AP3B2: variants seen among roughly 807,000 people sequenced by gnomAD.
The protein encoded by AP3B2 is AP-3 complex subunit beta-2.
In AP3B2, 50 loss-of-function variants were observed where a neutral mutation model predicts 126.9. That is an observed-to-expected ratio of 0.39 (90% confidence interval 0.31 to 0.50). The LOEUF (loss-of-function observed/expected upper bound fraction) is 0.50, where lower values mean the gene tolerates loss of function less well. Ranked by LOEUF, AP3B2 falls within the 20% of genes least tolerant of loss-of-function variation. AP3B2 has a pLI of 0.79. For synonymous variants in AP3B2, 541 were observed against 565.0 expected (o/e 0.96, Z 0.60); for missense variants, 1,177 against 1,426.4 (o/e 0.83, Z 2.82).
chr15:82,677,911 C>T lies in AP3B2; in HGVS notation c.1246-108G>A. ...TGGCTTATCATGCCGGTGACTAAGA[C>T]TTGGGAAAGGGGGTGACAACTCCAC... On this transcript the variant is annotated intron_variant, in intron 11 of 26. Transcript: ENST00000535359. 4.2e-6 allele frequency: 6 copies of T among 1,425,704 alleles called. No individual in the cohort carries two copies. In the South Asian group the frequency reaches 7.1e-5, roughly 17 times the overall value. The allele number at this position is 1,425,704 out of a possible 1,614,324, so 88.3% of individuals were successfully genotyped here. A position where few individuals can be genotyped will look rare whatever the true frequency, so the allele number is the denominator to read the frequency against.
At chr15:82,689,755 A>C (rs2048492241) in intron 1 of AP3B2, 2 of 367,186 alleles carry the variant, frequency 5.4e-6, no homozygotes, top group Admixed American at 4.1e-5. Context: ...AGTTAAATGC[A>C]ATCCTACTCT....
At chr15:82,683,443 T>G (rs1300056955) in intron 4 of AP3B2, among the ~76,000 whole-genome samples, 1 of 152,174 alleles carries the variant, frequency 6.6e-6, no homozygotes, top group Non-Finnish European at 1.5e-5. Context: ...ATTGCAGCAA[T>G]TCAGTCACAT....
intron 20 of AP3B2, 76 bp from the exon 21 acceptor site, chr15:82,663,696 ATGTTC>A: frequency 6.2e-7 from 1 of 1,610,270 alleles, no homozygotes; most frequent in Non-Finnish European, 8.5e-7. Context: ...AGAAGATGTC[ATGTTC>A]TGTTCTGGAT....
Position 82,709,803 on chromosome 15 carries a change from C to G in AP3B2, c.-97G>C, listed in dbSNP as rs889547415. 10 of 977,566 alleles carry G rather than the reference C, an allele frequency of 1.0e-5. No homozygotes were observed. Among genetic ancestry groups the G allele is most frequent in the Non-Finnish European group, 1.4e-5 (10 of 718,706 alleles). The allele number at this position is 977,566 out of a possible 1,614,324, so 60.6% of individuals were successfully genotyped here. On this transcript the variant is annotated 5_prime_UTR_variant, in exon 1 of 27. Transcript: ENST00000535359. ...GGCGGGCCGGTCCGGTCCGGGCTGG[C>G]GAAGGCGGCGGCGCGGCAGGGGTTC... is the stretch of plus-strand genomic sequence containing the variant.
At position 82,680,721 on chromosome 15, in the gene AP3B2, A is replaced by G. The variant is rs1172796080; in HGVS notation, c.806T>C (p.Phe269Ser). The G allele has an allele frequency of 2.6e-6, 4 of 1,567,682 alleles. No homozygotes were observed. ...GGCCTCGTCCTCCTCTGAGCCGTAG[A>G]AGGCTTTTTCCGCGTTCTCCTCTAG... The part of the protein sequence containing the change: ...SLLEENAEKA[F>S]YGSEEDEAKG... Residue 269 changes from phenylalanine (F) to serine (S), a missense_variant, in exon 8 of 27, where the codon TTC (phenylalanine) becomes TCC (serine). Phe to Ser is a radical substitution (Grantham distance 155). This residue lies in a region of AP3B2 where 103 missense variants were observed against 101.4 expected (regional missense o/e 1.02). Transcript: ENST00000535359. The surrounding 1 kb of genome is among the most constrained non-coding windows in gnomAD (Gnocchi z 6.1).
At chr15:82,695,930 G>A (rs959700355) in intron 1 of AP3B2, among the ~76,000 whole-genome samples, 1 of 152,190 alleles carries the variant, frequency 6.6e-6, no homozygotes, top group Non-Finnish European at 1.5e-5. Context: ...TGTTGGTGGG[G>A]AGAAATCTCC....
chr15:82,708,807 G>A (rs1281269116), intron 1 of AP3B2: 2 of 152,574 alleles, frequency 1.3e-5, no homozygotes, highest in Admixed American at 6.6e-5. Flanking sequence ...CGGCGCCAGA[G>A]ACTAGGTCCT....
chr15:82,709,439 G>C (rs2048845916), intron 1 of AP3B2, among the ~76,000 whole-genome samples, 155 bp downstream of exon 1: 1 of 150,452 alleles, frequency 6.6e-6, no homozygotes. Context: ...GCGCTGGGCC[G>C]GGGCTCCAGG....
In AP3B2 at chr15:82,680,650, G is replaced by C. The variant is rs2151440929; in HGVS notation, c.877C>G (p.Arg293Gly). 1 of 1,585,618 alleles carries C rather than the reference G, an allele frequency of 6.3e-7. No homozygotes were observed. Among genetic ancestry groups the C allele is most frequent in the Non-Finnish European group, 8.5e-7 (1 of 1,170,632 alleles). ...EETAAAAAPS[R>G]KPYVMDPDHR... Reference sequence around the variant, plus strand: ...TCGGGGTCCATGACATAGGGCTTTCGGGAGGGGGCGGCCGCGGCGGCCGTC... The same window carrying C: ...TCGGGGTCCATGACATAGGGCTTTCCGGAGGGGGCGGCCGCGGCGGCCGTC... Residue 293 changes from arginine (R) to glycine (G), a missense_variant, in exon 8 of 27, where the codon CGA becomes GGA. By Grantham distance (125) the Arg-to-Gly change is moderately radical. Coordinates refer to ENST00000535359, the MANE Select transcript of AP3B2 (RefSeq NM_001278512.2). This position sits in a 1 kb window ranked among gnomAD's most constrained non-coding sequence, Gnocchi z 6.1.
At chr15:82,661,522 A>G (rs560164022) in intron 25 of AP3B2, among the ~76,000 whole-genome samples, 26 of 152,344 alleles carry the variant, frequency 1.7e-4, no homozygotes, top group Non-Finnish European at 2.9e-4. Context: ...CATGAAAATT[A>G]CATGAAATTT....
intron 1 of AP3B2, among the ~76,000 whole-genome samples, chr15:82,693,825 A>G (rs1487424674): frequency 7.0e-6 from 1 of 143,172 alleles, no homozygotes; most frequent in Non-Finnish European, 1.5e-5. Flanking sequence ...CTCAGCCTCC[A>G]GAATAGCTGG....
intron 1 of AP3B2, chr15:82,691,912 T>C: frequency 1.6e-6 from 2 of 1,289,490 alleles, no homozygotes; most frequent in Non-Finnish European, 1.1e-6. Context: ...GCAGGGCATA[T>C]TCCATGTCTT....
chr15:82,662,487 TCTG>T (rs2047968764), intron 23 of AP3B2: 2 of 661,566 alleles, frequency 3.0e-6, no homozygotes, highest in East Asian at 2.7e-5. Context: ...AAGGCCCAAA[TCTG>T]CTGCTGCAAG....
At chr15:82,661,770 A>C (rs1455681521) in intron 25 of AP3B2, 55 bp downstream of exon 25, 7 of 1,443,460 alleles carry the variant, frequency 4.8e-6, no homozygotes, top group African/African-American at 1.4e-5. Context: ...CAAGCTGGAC[A>C]TTCTGGAGTC....
rs1182827417 is a variant in AP3B2 at position 82,659,874 on chromosome 15, A to T, written c.3126T>A (p.Arg1042=). ...ACTCATCAGATGTCCCACAAGGAAC[A>T]CGACCCAGGTTGGCAGTGGCAGTCA... ...QKVTATANLG[R]VPCGTSDEYR... The change falls in exon 26 of 27, where the codon CGT becomes CGA. Residue 1042 remains arginine, a synonymous_variant. Transcript: ENST00000535359. The T allele has an allele frequency of 1.2e-6, 2 of 1,613,886 alleles. No individual in the cohort carries two copies. The highest frequency in any genetic ancestry group is 2.7e-5 in the African/African-American group (2 of 74,922).
At chr15:82,662,577 A>T in intron 23 of AP3B2, 117 bp downstream of exon 23, 1 of 946,762 alleles carries the variant, frequency 1.1e-6, no homozygotes, top group African/African-American at 1.6e-5. Flanking sequence ...GTTAGATGCT[A>T]TCTCTGTGCC....
chr15:82,699,388 A>C (rs886352077), intron 1 of AP3B2: 6 of 347,098 alleles, frequency 1.7e-5, no homozygotes, highest in Admixed American at 1.4e-4. Flanking sequence ...TCAACCCTCA[A>C]ATATTTTACT....
At chr15:82,698,964 C>A (rs1468137439) in intron 1 of AP3B2, among the ~76,000 whole-genome samples, 1 of 152,188 alleles carries the variant, frequency 6.6e-6, no homozygotes, top group Non-Finnish European at 1.5e-5. Context: ...ACCGCAGCCA[C>A]CACCTGAGGT....
intron 14 of AP3B2, among the ~76,000 whole-genome samples, chr15:82,671,100 C>A (rs142143422): frequency 6.6e-6 from 1 of 151,820 alleles, no homozygotes; most frequent in Non-Finnish European, 1.5e-5. Context: ...CTGACCAACA[C>A]AGCGAAACCC....
Sources: allele counts gnomAD v4.1 joint callset (sites outside exome capture counted in the v4.1 genomes callset), GRCh38; gene constraint gnomAD v4.1.1; regional missense constraint gnomAD v4.1.1; non-coding constraint Gnocchi (gnomAD v3.1); transcripts MANE v1.5; gene names NCBI Gene and HGNC (gene_info 2026-07-23, HGNC 2026-07-21).